The following ITGAE variants were observed in gnomAD, a reference collection of about 807,000 sequenced individuals.
ITGAE encodes the protein integrin alpha-E.
Under a neutral mutation model 136.5 loss-of-function variants are expected in ITGAE, and 99 were observed. The ratio of observed to expected loss-of-function variants is 0.73; its 90% CI spans 0.62 to 0.86. The LOEUF is 0.86. ITGAE is among the 40% of genes least tolerant of loss of function. The pLI is 0.00. For synonymous variants in ITGAE, 613 were observed against 591.8 expected (o/e 1.04, Z -0.52); for missense variants, 1,447 against 1,515.3 (o/e 0.95, Z 0.75).
rs761992071 is a variant in ITGAE at position 3,750,445 on chromosome 17, T to G, written c.1931A>C (p.Tyr644Ser). Residue 644 changes from tyrosine to serine, a missense_variant, in exon 16 of 31, where the codon TAC becomes TCC. Transcript: ENST00000263087. Reference protein sequence around the residue: ...RASTVAPGLQYFGMSMAGGFD... With the variant: ...RASTVAPGLQSFGMSMAGGFD... ...GCCACCAGCCATGGACATGCCGAAG[T>G]ACTGGAGTCCTGGGGCCACCGTGGA... 3.3e-5 allele frequency: 53 copies of G among 1,614,052 alleles called. No individual in the cohort carries two copies. The highest frequency in any genetic ancestry group is 4.4e-5 in the Non-Finnish European group (52 of 1,180,028).
chr17:3,734,134 A>C (rs112826013), intron 21 of ITGAE, among the ~76,000 whole-genome samples: 1 of 152,114 alleles, frequency 6.6e-6, no homozygotes, highest in Non-Finnish European at 1.5e-5. Flanking sequence ...GCAGTGGCGC[A>C]ATCTCGGCTC....
chr17:3,723,468 T>A, intron 27 of ITGAE, 85 bp from the exon 28 acceptor site: 1 of 1,107,430 alleles, frequency 9.0e-7, no homozygotes, highest in Non-Finnish European at 1.4e-6. Flanking sequence ...CAGAGCATCG[T>A]AAGGTCCCAG....
At chr17:3,794,916 C>T (rs1297681933) in intron 1 of ITGAE, among the ~76,000 whole-genome samples, 3 of 151,808 alleles carry the variant, frequency 2.0e-5, no homozygotes, top group African/African-American at 4.9e-5. Flanking sequence ...CTCTCCTGGG[C>T]GTCCGTGGCA....
In ITGAE at chr17:3,745,838, G is replaced by C. The variant is rs1346743820; in HGVS notation, c.2245C>G (p.Leu749Val). 1.2e-6 allele frequency: 2 copies of C among 1,614,078 alleles called. No homozygotes were observed. Among genetic ancestry groups the C allele is most frequent in the Admixed American group, 3.3e-5 (2 of 60,014 alleles). ...RLQCSDVRSC[L>V]GCLREWSSGS... is the part of the protein sequence containing the mutation. The stretch of plus-strand genomic sequence containing the variant: ...CTGCTCCACTCCCTCAGGCAGCCCA[G>C]ACAGCTTCTTACGTCTGAACACTGC... Residue 749 changes from leucine (L) to valine (V), a missense_variant, in exon 18 of 31, where the codon CTG (leucine) becomes GTG (valine). Transcript: ENST00000263087.
At chr17:3,787,026 T>A (rs1267146612) in intron 1 of ITGAE, among the ~76,000 whole-genome samples, 1 of 152,022 alleles carries the variant, frequency 6.6e-6, no homozygotes, top group Non-Finnish European at 1.5e-5. Context: ...CATATGATTA[T>A]GATAGATGCA....
Position 3,755,212 on chromosome 17 carries a change from GC to G in ITGAE, c.1288del (p.Ala430ArgfsTer14). On this transcript the variant is annotated frameshift_variant, in exon 12 of 31. Transcript: ENST00000263087. LOFTEE classifies it high-confidence loss of function. ...AVGAFDWSGG[A>X]LLYDTRSRRG... ...GCGGCTGCGTGTGTCGTAGAGCAAC[GC>G]CCCTCCGGACCAGTCAAAGGCCCCG... 1 of 1,581,520 alleles carries G rather than the reference GC, an allele frequency of 6.3e-7. No individual in the cohort carries two copies.
chr17:3,716,952 T>C, intron 29 of ITGAE, 154 bp from the exon 30 acceptor site: 1 of 581,690 alleles, frequency 1.7e-6, no homozygotes, highest in South Asian at 2.1e-5. Flanking sequence ...AGATATTCCC[T>C]GATGCAGCAT....
intron 17 of ITGAE, among the ~76,000 whole-genome samples, chr17:3,747,394 T>C (rs899438111): frequency 2.0e-5 from 3 of 151,880 alleles, no homozygotes; most frequent in Non-Finnish European, 4.4e-5. Context: ...CTCAGCTCAC[T>C]GCAAGCTCCG....
rs778507779 is a variant in ITGAE at position 3,723,747 on chromosome 17, G to A, written c.3085-3C>T. 6.2e-6 allele frequency: 10 copies of A among 1,607,246 alleles called. No individual in the cohort carries two copies. Among genetic ancestry groups the A allele is most frequent in the Non-Finnish European group, 7.6e-6 (9 of 1,177,148 alleles). The stretch of plus-strand genomic sequence containing the variant: ...CTCCAGGTGCACACCGTGGAGGCCT[G>A]AAACGAGAGCCATGACCGCGACGCG... On this transcript the variant is annotated splice_region_variant and splice_polypyrimidine_tract_variant and intron_variant, in intron 26 of 30. Coordinates refer to ENST00000263087, the MANE Select transcript of ITGAE (RefSeq NM_002208.5).
chr17:3,745,739 C>G (rs759714855), intron 18 of ITGAE, 25 bp downstream of exon 18: 9 of 1,611,036 alleles, frequency 5.6e-6, no homozygotes, highest in Middle Eastern at 1.7e-4. Context: ...CCCCTCCTGA[C>G]TCCCATCCAA....
chr17:3,740,679 C>T (rs1210640857), intron 19 of ITGAE, among the ~76,000 whole-genome samples: 1 of 152,150 alleles, frequency 6.6e-6, no homozygotes, highest in Non-Finnish European at 1.5e-5. Flanking sequence ...CCCGGCCTGG[C>T]TAGTCGTCTC....
chr17:3,776,377 T>C (rs952186386), intron 2 of ITGAE, among the ~76,000 whole-genome samples: 2 of 152,110 alleles, frequency 1.3e-5, no homozygotes, highest in East Asian at 3.9e-4. Flanking sequence ...CTAAGCCCTT[T>C]ACATGCATTA....
intron 1 of ITGAE, among the ~76,000 whole-genome samples, chr17:3,800,852 A>AG (rs1262227691): frequency 1.3e-5 from 2 of 152,158 alleles, no homozygotes; most frequent in Non-Finnish European, 2.9e-5. Flanking sequence ...TGGCTGGAGG[A>AG]GGAACAGAAT....
rs150564423 is a variant in ITGAE, at chr17:3,748,046, C to T, written c.2031G>A (p.Arg677=). The change falls in exon 17 of 31, where the codon CGG becomes CGA. Residue 677 remains arginine (R), a synonymous_variant. Transcript: ENST00000263087. ...TGGAGACCTTCAGGCGAACCACAGG[C>T]CGGGAGCTAAACAAGACAGCAAAGA... is the stretch of plus-strand genomic sequence containing the variant. ...TLGQAVVFRS[R]PVVRLKVSMA... 121 of 1,611,056 alleles carry T rather than the reference C, an allele frequency of 7.5e-5. 1 individual carries two copies. In the African/African-American group the frequency reaches 7.6e-4, roughly 10 times the overall value.
At chr17:3,792,268 C>T (rs146909737) in intron 1 of ITGAE, among the ~76,000 whole-genome samples, 19,883 of 152,076 alleles carry the variant, frequency 0.13, 1,741 homozygotes, top group Non-Finnish European at 0.18. Flanking sequence ...ATTATAGGCA[C>T]GCACCACCAC....
intron 19 of ITGAE, among the ~76,000 whole-genome samples, chr17:3,740,633 T>C (rs566178137): frequency 9.5e-4 from 144 of 152,298 alleles, no homozygotes; most frequent in Non-Finnish European, 1.7e-3. Flanking sequence ...ACCTTGGCCT[T>C]CCAAAGTGTT....
intron 10 of ITGAE, among the ~76,000 whole-genome samples, chr17:3,756,462 C>T (rs2052030087): frequency 6.8e-6 from 1 of 147,694 alleles, no homozygotes; most frequent in African/African-American, 2.5e-5. Flanking sequence ...AGTGCAGTGG[C>T]GCGATCTTGG....
intron 8 of ITGAE, among the ~76,000 whole-genome samples, chr17:3,758,123 G>A (rs2052074123): frequency 6.6e-6 from 1 of 152,200 alleles, no homozygotes; most frequent in Admixed American, 6.5e-5. Flanking sequence ...CGTACAGGAA[G>A]ACTCATGATA....
rs771927696 is a variant in ITGAE at position 3,753,394 on chromosome 17, C to T, written c.1564G>A (p.Asp522Asn). Reference sequence around the variant, plus strand: ...TCCGTGCTTCCATCCATGTCAATGTCCACAGGGCACAGCTCAGAGCCAAAA... The same window carrying T: ...TCCGTGCTTCCATCCATGTCAATGTTCACAGGGCACAGCTCAGAGCCAAAA... Reference protein sequence around the residue: ...SYFGSELCPVDIDMDGSTDFL... With the variant: ...SYFGSELCPVNIDMDGSTDFL... Residue 522 changes from aspartate to asparagine, a missense_variant, in exon 14 of 31, where the codon GAC becomes AAC. Around this residue, in one of 3 missense-constraint regions of ITGAE, gnomAD observed 1,031 missense variants for 1,011.4 expected, o/e 1.02. Transcript: ENST00000263087. 4 of 1,614,180 alleles carry T rather than the reference C, an allele frequency of 2.5e-6. No individual in the cohort carries two copies. Among genetic ancestry groups the T allele is most frequent in the Non-Finnish European group, 3.4e-6 (4 of 1,180,032 alleles).
Sources: gnomAD v4.1 joint callset for allele counts (sites outside exome capture counted in the v4.1 genomes callset) on GRCh38, gnomAD v4.1.1 for gene constraint, gnomAD v4.1.1 regional missense constraint, MANE v1.5 for transcripts, NCBI Gene and HGNC (gene_info 2026-07-23, HGNC 2026-07-21) for gene names.